The following EEF1AKMT2 variants were observed in gnomAD, a reference collection of about 807,000 sequenced individuals.
The protein encoded by EEF1AKMT2 is EEF1A lysine methyltransferase 2.
A neutral mutation model predicts 35.8 loss-of-function variants in EEF1AKMT2; 32 were observed. The ratio of observed to expected loss-of-function variants is 0.89; its 90% CI spans 0.67 to 1.20. EEF1AKMT2 has a LOEUF of 1.20. EEF1AKMT2 is among the 50% of genes most tolerant of loss of function. The pLI is 0.00. For missense variants in EEF1AKMT2, 330 were observed against 347.5 expected, an observed-to-expected ratio of 0.95 and a Z score of 0.40; for synonymous variants, 121 against 133.7, an observed-to-expected ratio of 0.91 and a Z score of 0.65.
intron 4 of EEF1AKMT2, 96 bp downstream of exon 4, chr10:124,774,579 G>T: frequency 1.7e-6 from 1 of 583,898 alleles, no homozygotes; most frequent in Non-Finnish European, 2.5e-6. Flanking sequence ...ATTTATGATT[G>T]ATCCCTAATT....
Position 124,788,710 on chromosome 10 carries a change from T to TTTTATATATATATATATATATATA in EEF1AKMT2, c.291+332_291+333insTATATATATATATATATATATAAA, listed in dbSNP as rs1414544581. Among the ~76,000 whole-genome samples the TTTTATATATATATATATATATATA allele has an allele frequency of 8.5e-4, 79 of 92,558 alleles. 1 individual carries two copies. Among genetic ancestry groups the TTTTATATATATATATATATATATA allele is most frequent in the African/African-American group, 2.5e-3 (75 of 29,710 alleles). The allele number at this position is 92,558 out of a possible 152,430, so 60.7% of individuals were successfully genotyped here. A position where few individuals can be genotyped will look rare whatever the true frequency, so the allele number is the denominator to read the frequency against. Reference sequence around the variant, plus strand: ...CTACTGGAATTGCAAAAGGTCATCTTTATATATATATATATATATGCATTT... The same window carrying TTTTATATATATATATATATATATA: ...CTACTGGAATTGCAAAAGGTCATCTTTTTATATATATATATATATATATATATATATATATATATATATGCATTT... On this transcript the variant is annotated intron_variant, in intron 3 of 6. Transcript: ENST00000368836.
At chr10:124,789,257 G>A in intron 2 of EEF1AKMT2, 100 bp from the exon 3 acceptor site, 1 of 717,928 alleles carries the variant, frequency 1.4e-6, no homozygotes, top group South Asian at 2.0e-5. Context: ...ACTCTTATTT[G>A]AAAGTGAAAA....
intron 4 of EEF1AKMT2, among the ~76,000 whole-genome samples, chr10:124,769,218 C>CAAAAAAAAAAAAAAAAAAAAAAAA (rs1554917142): frequency 1.3e-4 from 4 of 31,298 alleles, no homozygotes; most frequent in African/African-American, 2.3e-4. Context: ...ACACTGTCTC[C>CAAAAAAAAAAAAAAAAAAAAAAAA]AAAAAAAAAA....
chr10:124,782,979 A>AATTC (rs1220425206), intron 3 of EEF1AKMT2: 2 of 430,658 alleles, frequency 4.6e-6, no homozygotes, highest in African/African-American at 2.1e-5. Flanking sequence ...GGCTACAAGA[A>AATTC]ATTCACTTCA....
At chr10:124,779,940 G>A (rs974079156) in intron 3 of EEF1AKMT2, among the ~76,000 whole-genome samples, 1 of 151,848 alleles carries the variant, frequency 6.6e-6, no homozygotes, top group South Asian at 2.1e-4. Flanking sequence ...GCGGGCACAT[G>A]TAGTCCCAGC....
intron 3 of EEF1AKMT2, among the ~76,000 whole-genome samples, chr10:124,777,227 C>G (rs1950494801): frequency 6.9e-6 from 1 of 145,162 alleles, no homozygotes; most frequent in South Asian, 2.2e-4. Flanking sequence ...TATAGTGAGC[C>G]AAGATCGCGC....
intron 1 of EEF1AKMT2, among the ~76,000 whole-genome samples, chr10:124,791,474 C>G (rs1950633920): frequency 6.6e-6 from 1 of 152,188 alleles, no homozygotes; most frequent in Non-Finnish European, 1.5e-5. Context: ...CTCCCAGGAG[C>G]CAAAGCCTGT....
At chr10:124,767,231 T>C (rs533418621) in intron 4 of EEF1AKMT2, among the ~76,000 whole-genome samples, 2 of 141,774 alleles carry the variant, frequency 1.4e-5, no homozygotes, top group Non-Finnish European at 1.5e-5. Context: ...TACCTTATAT[T>C]GGCCGGGCGC....
At chr10:124,782,760 C>A (rs111307876) in intron 3 of EEF1AKMT2, among the ~76,000 whole-genome samples, 4,520 of 151,052 alleles carry the variant, frequency 0.03, 105 homozygotes, top group Non-Finnish European at 0.049. Flanking sequence ...TTGCAGTGAG[C>A]CAAGATCCCT....
At chr10:124,771,248 T>C (rs574039255) in intron 4 of EEF1AKMT2, among the ~76,000 whole-genome samples, 163 of 152,050 alleles carry the variant, frequency 1.1e-3, no homozygotes, top group South Asian at 5.2e-3. Context: ...TACAGGCACC[T>C]GCCACCACAC....
intron 6 of EEF1AKMT2, among the ~76,000 whole-genome samples, chr10:124,761,313 A>G (rs1224699655): frequency 6.6e-6 from 1 of 152,230 alleles, no homozygotes; most frequent in Non-Finnish European, 1.5e-5. Context: ...AGAAGATGAA[A>G]AAGTTCTGGA....
intron 3 of EEF1AKMT2, among the ~76,000 whole-genome samples, chr10:124,781,762 A>G (rs896938877): frequency 1.3e-5 from 2 of 151,928 alleles, no homozygotes; most frequent in Non-Finnish European, 2.9e-5. Flanking sequence ...GAAAAAAAAA[A>G]AGCTCAGGAG....
intron 3 of EEF1AKMT2, among the ~76,000 whole-genome samples, chr10:124,783,983 C>A (rs1039412014): frequency 1.8e-4 from 27 of 152,152 alleles, no homozygotes; most frequent in African/African-American, 5.6e-4. Flanking sequence ...CACCACCACG[C>A]CCAACCAATT....
intron 3 of EEF1AKMT2, among the ~76,000 whole-genome samples, chr10:124,780,064 C>G (rs1950527607): frequency 6.6e-6 from 1 of 152,148 alleles, no homozygotes; most frequent in African/African-American, 2.4e-5. Flanking sequence ...CAGAGCAAGA[C>G]TCTGTCTCAA....
intron 2 of EEF1AKMT2, 36 bp downstream of exon 2, chr10:124,790,237 C>A (rs1589796161): frequency 1.4e-6 from 2 of 1,479,640 alleles, no homozygotes; most frequent in Non-Finnish European, 1.9e-6. Flanking sequence ...TACATATAAT[C>A]TTCTAGATTA....
chr10:124,769,206 AGAC>A, intron 4 of EEF1AKMT2, among the ~76,000 whole-genome samples: 1 of 124,310 alleles, frequency 8.0e-6, no homozygotes, highest in Admixed American at 9.4e-5. Flanking sequence ...CTACAGGGCA[AGAC>A]ACTGTCTCCA....
intron 4 of EEF1AKMT2, among the ~76,000 whole-genome samples, chr10:124,772,632 C>T (rs1359808307): frequency 2.6e-5 from 4 of 151,952 alleles, no homozygotes; most frequent in Non-Finnish European, 4.4e-5. Context: ...TTCAGCATGT[C>T]GGCCAGGCTG....
Position 124,791,728 on chromosome 10 carries a change from C to G in EEF1AKMT2, c.106G>C (p.Glu36Gln), listed in dbSNP as rs1258104924. The G allele has an allele frequency of 3.8e-6, 6 of 1,583,802 alleles. No homozygotes were observed. Among genetic ancestry groups the G allele is most frequent in the Non-Finnish European group, 4.3e-6 (5 of 1,169,498 alleles). Residue 36 changes from glutamate (E) to glutamine (Q), a missense_variant, in exon 1 of 7, where the codon GAG becomes CAG. Physicochemically the swap from Glu to Gln is conservative, Grantham distance 29 (BLOSUM62 2). Transcript: ENST00000368836. ...CCTGCCCAGCGTCACACTCACTGCT[C>G]GCGGGTCCCCAGCGCCGACGGGACG... ...GFVPSALGTR[E>Q]HWDAVYEREL...
Position 124,779,747 on chromosome 10 carries a change from C to CAA in EEF1AKMT2, c.292-4967_292-4966dup, listed in dbSNP as rs34475748. 4.1e-3 allele frequency among the ~76,000 whole-genome samples: 116 copies of CAA among 28,098 alleles called. 2 individuals carry two copies. The highest frequency in any genetic ancestry group is 9.4e-3 in the African/African-American group (81 of 8,644). The allele number at this position is 28,098 out of a possible 152,430, so 18.4% of individuals were successfully genotyped here. On this transcript the variant is annotated intron_variant, in intron 3 of 6. Transcript: ENST00000368836. ...TGGGCGACAGAGCGAGACTCCATCT[C>CAA]AAAAAAAAAAAAAAAAAAAAAAAGA...
Sources: allele counts gnomAD v4.1 joint callset (sites outside exome capture counted in the v4.1 genomes callset), GRCh38; gene constraint gnomAD v4.1.1; transcripts MANE v1.5; gene names NCBI Gene and HGNC (gene_info 2026-07-23, HGNC 2026-07-21).